LRCH1: variants seen among roughly 807,000 people sequenced by gnomAD.
LRCH1 encodes leucine rich repeats and calponin homology domain containing 1, also known as leucine-rich repeat and calponin homology domain-containing protein 1.
In LRCH1, 23 loss-of-function variants were observed where a neutral mutation model predicts 94.9. The observed-to-expected ratio is 0.24, with a 90% CI of 0.17 to 0.34. LRCH1 has a LOEUF of 0.34. Among genes scored for constraint, LRCH1 ranks in the 10% least tolerant of loss-of-function variants. The pLI is 1.00. For synonymous variants in LRCH1, 364 were observed against 354.9 expected, an observed-to-expected ratio of 1.03 and a Z score of -0.29; for missense variants, 790 against 945.9, an observed-to-expected ratio of 0.84 and a Z score of 2.16.
At chr13:46,690,588 G>C (rs962186534) in intron 7 of LRCH1, among the ~76,000 whole-genome samples, 7 of 152,140 alleles carry the variant, frequency 4.6e-5, no homozygotes, top group Non-Finnish European at 1.0e-4. Context: ...GATTTATTCT[G>C]TGCCTTTTAA....
In LRCH1 at chr13:46,743,893, G is replaced by A; in HGVS notation, c.*2045G>A. The A allele has an allele frequency of 1.0e-6, 1 of 985,104 alleles. No individual in the cohort carries two copies. Among genetic ancestry groups the A allele is most frequent in the East Asian group, 1.1e-4 (1 of 8,816 alleles). The allele number at this position is 985,104 out of a possible 1,614,324, so 61.0% of individuals were successfully genotyped here. ...AAAAGACATTTATATTTTAATTCTG[G>A]CATCCAAAGTATTCTTTGGACGCAC... On this transcript the variant is annotated 3_prime_UTR_variant, in exon 20 of 20. Transcript: ENST00000389797.
At chr13:46,689,679 T>TTAAA in intron 7 of LRCH1, among the ~76,000 whole-genome samples, 1 of 151,616 alleles carries the variant, frequency 6.6e-6, no homozygotes, top group Non-Finnish European at 1.5e-5. Context: ...ATAGTTTTTA[T>TTAAA]AACAATGTTT....
At chr13:46,639,388 A>G (rs1220661724) in intron 1 of LRCH1, among the ~76,000 whole-genome samples, 1 of 152,196 alleles carries the variant, frequency 6.6e-6, no homozygotes, top group East Asian at 1.9e-4. Flanking sequence ...ACCTTGTAGC[A>G]GTTGTCAGAT....
intron 2 of LRCH1, among the ~76,000 whole-genome samples, chr13:46,660,253 A>G (rs1212254416): frequency 6.6e-6 from 1 of 151,786 alleles, no homozygotes; most frequent in Non-Finnish European, 1.5e-5. Context: ...TGACTTCGTG[A>G]TCCACCCACC....
At chr13:46,713,093 G>A (rs1872155265) in intron 15 of LRCH1, among the ~76,000 whole-genome samples, 1 of 152,196 alleles carries the variant, frequency 6.6e-6, no homozygotes, top group Admixed American at 6.5e-5. Flanking sequence ...AAAGTCTTTT[G>A]AGAAAGCATT....
At chr13:46,588,917 CTATT>C (rs2050466382) in intron 1 of LRCH1, among the ~76,000 whole-genome samples, 1 of 151,822 alleles carries the variant, frequency 6.6e-6, no homozygotes. Context: ...TTTGCTTTCT[CTATT>C]TGTGTGTGTA....
intron 1 of LRCH1, among the ~76,000 whole-genome samples, chr13:46,644,503 C>CA (rs1187347078): frequency 4.6e-5 from 7 of 151,516 alleles, no homozygotes; most frequent in African/African-American, 1.5e-4. Flanking sequence ...AACTAAACAA[C>CA]AAAAAAAAGG....
At chr13:46,575,540 G>GTGTGTGTGTGTA (rs1489192100) in intron 1 of LRCH1, among the ~76,000 whole-genome samples, 14 of 151,814 alleles carry the variant, frequency 9.2e-5, no homozygotes, top group African/African-American at 3.4e-4. Context: ...GTGTGTGTGT[G>GTGTGTGTGTGTA]TGTGTTGTGG....
intron 15 of LRCH1, among the ~76,000 whole-genome samples, chr13:46,713,984 G>C (rs1872196862): frequency 6.6e-6 from 1 of 152,174 alleles, no homozygotes; most frequent in South Asian, 2.1e-4. Flanking sequence ...ATATTCTTTT[G>C]AATGTATAAC....
chr13:46,573,097 C>T (rs959464585), intron 1 of LRCH1, among the ~76,000 whole-genome samples: 3 of 152,190 alleles, frequency 2.0e-5, no homozygotes, highest in African/African-American at 7.2e-5. Flanking sequence ...ACATTCAATA[C>T]ATGTTAACTC....
At position 46,733,986 on chromosome 13, in the gene LRCH1, A is replaced by C. The variant is rs370540084; in HGVS notation, c.2073A>C (p.Leu691Phe). 6.3e-7 allele frequency: 1 copy of C among 1,592,380 alleles called. No homozygotes were observed. Among genetic ancestry groups the C allele is most frequent in the South Asian group, 1.1e-5 (1 of 88,070 alleles). Residue 691 changes from leucine (L) to phenylalanine (F), a missense_variant, in exon 19 of 20, where the codon TTA becomes TTC. Leu to Phe is a conservative substitution (Grantham distance 22). This residue lies in a region of LRCH1 where 460 missense variants were observed against 508.9 expected (regional missense o/e 0.90). Transcript: ENST00000389797. ...ACTTTTTGGAAGCATGCCGAAAATTAGGAGTACCAGAGGTAACATCAAACT... is the reference window on the plus strand; with the variant it reads ...ACTTTTTGGAAGCATGCCGAAAATTCGGAGTACCAGAGGTAACATCAAACT... ...VENFLEACRKLGVPEADLCSP... is the reference protein window; with the variant it reads ...VENFLEACRKFGVPEADLCSP...
intron 1 of LRCH1, among the ~76,000 whole-genome samples, chr13:46,598,301 C>T (rs1045611541): frequency 5.1e-4 from 77 of 151,724 alleles, no homozygotes; most frequent in African/African-American, 1.8e-3. Flanking sequence ...TTTGAGCAGC[C>T]CTGGGGCAGT....
chr13:46,737,874 A>C lies in LRCH1; in HGVS notation c.2086-3768A>C, dbSNP rs572942391. The stretch of plus-strand genomic sequence containing the variant: ...AATTTAGGGATATTTTAGGGCTCTT[A>C]TTAGTATTCTCTCAGGTTGAGAGAA... On this transcript the variant is annotated intron_variant, in intron 19 of 19. Transcript: ENST00000389797. 7.5e-4 allele frequency among the ~76,000 whole-genome samples: 114 copies of C among 152,290 alleles called. 1 individual carries two copies. Among genetic ancestry groups the C allele is most frequent in the African/African-American group, 2.6e-3 (108 of 41,550 alleles).
intron 19 of LRCH1, among the ~76,000 whole-genome samples, chr13:46,740,790 C>T (rs565058773): frequency 1.1e-3 from 173 of 152,290 alleles, no homozygotes; most frequent in African/African-American, 4.0e-3. Flanking sequence ...TTTCTGACAG[C>T]AATAGGCTGC....
intron 7 of LRCH1, among the ~76,000 whole-genome samples, chr13:46,690,940 T>A (rs1305249151): frequency 2.0e-5 from 3 of 152,250 alleles, no homozygotes; most frequent in African/African-American, 7.2e-5. Flanking sequence ...TGCCATTGAT[T>A]GATTTAGCAT....
Position 46,744,251 on chromosome 13 carries a change from G to A in LRCH1, c.*2403G>A. The A allele has an allele frequency of 1.0e-6, 1 of 985,362 alleles. No homozygotes were observed. Among genetic ancestry groups the A allele is most frequent in the Non-Finnish European group, 1.2e-6 (1 of 829,930 alleles). The allele number at this position is 985,362 out of a possible 1,614,324, so 61.0% of individuals were successfully genotyped here. On this transcript the variant is annotated 3_prime_UTR_variant, in exon 20 of 20. Coordinates refer to ENST00000389797, the MANE Select transcript of LRCH1 (RefSeq NM_001164211.2). ...GAGAAGTAGTCAGGGATGTCACTGAGTGGTTTATTGTGCTGACCAAATCTC... is the reference window on the plus strand; with the variant it reads ...GAGAAGTAGTCAGGGATGTCACTGAATGGTTTATTGTGCTGACCAAATCTC...
In LRCH1 at chr13:46,637,826, G is replaced by C. The variant is rs112364847; in HGVS notation, c.308-12375G>C. Among the ~76,000 whole-genome samples, 4 of 152,278 alleles carry C rather than the reference G, an allele frequency of 2.6e-5. No individual in the cohort carries two copies. In the South Asian group the frequency reaches 8.3e-4, roughly 32 times the overall value. On this transcript the variant is annotated intron_variant, in intron 1 of 19. Transcript: ENST00000389797. ...CACTGGAGGGTGAGTTCTAGAGAGC[G>C]GGATTTCCTTGCCAGCGTTCGCTGG...
intron 18 of LRCH1, 21 bp from the exon 19 acceptor site, chr13:46,733,890 ATATATTATTT>A: frequency 7.4e-7 from 1 of 1,347,204 alleles, no homozygotes; most frequent in East Asian, 2.4e-5. Flanking sequence ...CTTTTAAATA[ATATATTATTT>A]CCGTATATTT....
intron 2 of LRCH1, among the ~76,000 whole-genome samples, chr13:46,666,275 C>G (rs373429758): frequency 6.6e-6 from 1 of 152,220 alleles, no homozygotes; most frequent in Non-Finnish European, 1.5e-5. Flanking sequence ...AATGTTTTCA[C>G]AAGCTTAAAT....
Sources: allele counts gnomAD v4.1 joint callset (sites outside exome capture counted in the v4.1 genomes callset), GRCh38; gene constraint gnomAD v4.1.1; regional missense constraint gnomAD v4.1.1; transcripts MANE v1.5; gene names NCBI Gene and HGNC (gene_info 2026-07-23, HGNC 2026-07-21).